The following TG variants were observed in gnomAD, a reference collection of about 807,000 sequenced individuals.
TG encodes the protein thyroid hormones.
A neutral mutation model predicts 324.7 loss-of-function variants in TG; 270 were observed. That is an observed-to-expected ratio of 0.83 (90% CI 0.75 to 0.92). The LOEUF (loss-of-function observed/expected upper bound fraction) is 0.92, where lower values mean the gene tolerates loss of function less well. Ranked by LOEUF, TG falls within the 40% of genes least tolerant of loss-of-function variation. The pLI is 0.00. For synonymous variants in TG, 1,401 were observed against 1,327.0 expected (o/e 1.06, Z -1.21); for missense variants, 3,591 against 3,456.4 (o/e 1.04, Z -0.98).
At chr8:133,085,728 C>T (rs946544920) in intron 41 of TG, among the ~76,000 whole-genome samples, 2 of 152,156 alleles carry the variant, frequency 1.3e-5, no homozygotes, top group African/African-American at 4.8e-5. Flanking sequence ...GTAAGCATTA[C>T]TGAAGATATG....
chr8:132,945,578 G>A (rs1237184871), intron 26 of TG, among the ~76,000 whole-genome samples: 2 of 152,190 alleles, frequency 1.3e-5, no homozygotes, highest in Non-Finnish European at 2.9e-5. Flanking sequence ...AGATATAAAT[G>A]TGTAAATTAC....
chr8:133,095,324 A>T, intron 42 of TG, 116 bp downstream of exon 42: 1 of 1,421,196 alleles, frequency 7.0e-7, no homozygotes. Context: ...GAGGCTGATG[A>T]CCAACTGGAG....
At chr8:133,028,185 C>A (rs765430204) in intron 40 of TG, among the ~76,000 whole-genome samples, 1 of 152,194 alleles carries the variant, frequency 6.6e-6, no homozygotes, top group Non-Finnish European at 1.5e-5. Flanking sequence ...AGGCTGTGGA[C>A]GTCACTTTTC....
At chr8:132,873,531 G>A (rs1165792271) in intron 5 of TG, among the ~76,000 whole-genome samples, 1 of 152,190 alleles carries the variant, frequency 6.6e-6, no homozygotes, top group African/African-American at 2.4e-5. Context: ...CGGGAGCAAA[G>A]TGATCATCAA....
At chr8:133,038,771 G>GA (rs752784424) in intron 41 of TG, 18 of 1,454,790 alleles carry the variant, frequency 1.2e-5, no homozygotes, top group Non-Finnish European at 1.5e-5. Context: ...TAGAGAAAGG[G>GA]AAAAAAAGAG....
At chr8:132,900,404 A>G (rs1817745804) in intron 15 of TG, 65 bp downstream of exon 15, 1 of 1,473,820 alleles carries the variant, frequency 6.8e-7, no homozygotes, top group South Asian at 1.2e-5. Context: ...CGTGGAGTCC[A>G]AAGAGCTGGC....
At chr8:132,923,774 T>C (rs190105848) in intron 22 of TG, among the ~76,000 whole-genome samples, 131 of 152,300 alleles carry the variant, frequency 8.6e-4, no homozygotes, top group African/African-American at 3.1e-3. Flanking sequence ...TTCTAAGTAC[T>C]TCAGCATGCA....
intron 41 of TG, among the ~76,000 whole-genome samples, chr8:133,080,575 C>A (rs557449283): frequency 4.6e-5 from 7 of 152,272 alleles, no homozygotes; most frequent in African/African-American, 1.4e-4. Flanking sequence ...AAGCAGCTGC[C>A]CCAAACTCAG....
intron 41 of TG, among the ~76,000 whole-genome samples, chr8:133,064,361 G>A (rs1448978722): frequency 2.6e-5 from 4 of 152,234 alleles, no homozygotes; most frequent in Non-Finnish European, 5.9e-5. Flanking sequence ...ACAGGATCAA[G>A]GGAAGACAGT....
intron 46 of TG, among the ~76,000 whole-genome samples, chr8:133,132,676 T>G (rs1419480971): frequency 4.6e-5 from 7 of 152,216 alleles, no homozygotes; most frequent in African/African-American, 1.7e-4. Context: ...AGCTACCAGC[T>G]ACTAATAGTC....
intron 10 of TG, among the ~76,000 whole-genome samples, chr8:132,893,220 G>A (rs1414051355): frequency 7.0e-5 from 10 of 143,518 alleles, no homozygotes; most frequent in Non-Finnish European, 1.5e-4. Flanking sequence ...TGTGTGTGGT[G>A]TGTATATGTG....
chr8:133,047,216 T>C (rs1217020868), intron 41 of TG: 2 of 152,438 alleles, frequency 1.3e-5, no homozygotes, highest in African/African-American at 4.8e-5. Flanking sequence ...TTTGTGTTTT[T>C]ACTGTGGTAC....
At chr8:132,949,117 C>T (rs531631315) in intron 27 of TG, among the ~76,000 whole-genome samples, 174 bp downstream of exon 27, 17 of 152,032 alleles carry the variant, frequency 1.1e-4, no homozygotes, top group African/African-American at 3.9e-4. Flanking sequence ...TTCAGCAGAA[C>T]TCTATGGGAA....
chr8:133,047,964 C>T (rs374634120), intron 41 of TG: 53 of 1,374,864 alleles, frequency 3.9e-5, no homozygotes, highest in Middle Eastern at 5.0e-4. Flanking sequence ...CATTAGGATC[C>T]GGAACAAGCC....
chr8:132,926,649 G>A (rs527779205), intron 22 of TG, among the ~76,000 whole-genome samples: 1 of 152,208 alleles, frequency 6.6e-6, no homozygotes, highest in Non-Finnish European at 1.5e-5. Context: ...AATTCCTGTG[G>A]TCAATTTTAC....
chr8:132,996,453 G>GA (rs200984794), intron 35 of TG, among the ~76,000 whole-genome samples: 1 of 151,948 alleles, frequency 6.6e-6, no homozygotes, highest in East Asian at 1.9e-4. Flanking sequence ...GGCAGTTTAT[G>GA]AAAAAAATAG....
chr8:132,940,793 C>T (rs543351485), intron 25 of TG, among the ~76,000 whole-genome samples: 1 of 152,284 alleles, frequency 6.6e-6, no homozygotes, highest in African/African-American at 2.4e-5. Context: ...CATTCAGCTG[C>T]ATTTGTCTAC....
At chr8:133,093,803 G>A (rs17703832) in intron 41 of TG, among the ~76,000 whole-genome samples, 62,458 of 152,064 alleles carry the variant, frequency 0.41, 13,808 homozygotes, top group Non-Finnish European at 0.48. Context: ...GTGTTTGGCC[G>A]CTGGGGTCAG....
intron 41 of TG, among the ~76,000 whole-genome samples, chr8:133,065,590 C>T (rs1311013567): frequency 2.6e-5 from 4 of 151,980 alleles, no homozygotes; most frequent in South Asian, 2.1e-4. Flanking sequence ...GGAGGAACCC[C>T]GTCTCTACTA....
Sources: gnomAD v4.1 joint callset for allele counts (sites outside exome capture counted in the v4.1 genomes callset) on GRCh38, gnomAD v4.1.1 for gene constraint, MANE v1.5 for transcripts, NCBI Gene and HGNC (gene_info 2026-07-23, HGNC 2026-07-21) for gene names.